ENGASE: variants seen among roughly 807,000 people sequenced by gnomAD.
ENGASE encodes the protein cytosolic endo-beta-N-acetylglucosaminidase.
A neutral mutation model predicts 78.5 loss-of-function variants in ENGASE; 69 were observed. The ratio of observed to expected loss-of-function variants is 0.88; its 90% CI spans 0.72 to 1.07. ENGASE has a LOEUF of 1.07. Ranked by LOEUF, ENGASE falls within the 50% of genes least tolerant of loss-of-function variation. The pLI is 0.00. For missense variants in ENGASE, 943 were observed against 988.4 expected (o/e 0.95, Z 0.62); for synonymous variants, 408 against 408.9 (o/e 1.00, Z 0.03).
intron 1 of ENGASE, chr17:79,075,690 G>A (rs934937826): frequency 1.0e-6 from 1 of 985,466 alleles, no homozygotes; most frequent in Non-Finnish European, 1.2e-6. Flanking sequence ...GTAGGTTGCA[G>A]GGGGAGAAGT....
chr17:79,086,395 C>CT lies in ENGASE; in HGVS notation c.*48dup, dbSNP rs1568096293. The CT allele has an allele frequency of 5.7e-6, 9 of 1,569,150 alleles. No individual in the cohort carries two copies. Among genetic ancestry groups the CT allele is most frequent in the Non-Finnish European group, 7.8e-6 (9 of 1,158,110 alleles). On this transcript the variant is annotated 3_prime_UTR_variant, in exon 14 of 14. Coordinates refer to ENST00000579016, the MANE Select transcript of ENGASE (RefSeq NM_001042573.3). ...GTCTCCTGGCCTCGGGCTGAGGCCT[C>CT]TTCCCGGCTGTCTGCCCCTGGCCTG...
At position 79,085,920 on chromosome 17, in the gene ENGASE, T is replaced by C. The variant is rs764225989; in HGVS notation, c.1816-13T>C. 6.3e-7 allele frequency: 1 copy of C among 1,588,772 alleles called. No individual in the cohort carries two copies. Among genetic ancestry groups the C allele is most frequent in the South Asian group, 1.1e-5 (1 of 89,532 alleles). On this transcript the variant is annotated splice_polypyrimidine_tract_variant and intron_variant, in intron 13 of 13. Transcript: ENST00000579016. The stretch of plus-strand genomic sequence containing the variant: ...CCGGGCGTCCAGCCGTGCTGAGCCT[T>C]CTCTCCTGCCAGGTGGTGGACGCTG...
rs536216237 is a variant in ENGASE at position 79,084,404 on chromosome 17, G to A, written c.1443-134G>A. The A allele has an allele frequency of 7.8e-5, 68 of 867,196 alleles. No individual in the cohort carries two copies. The African/African-American group carries it at 1.1e-3, about 14-fold the overall frequency. The allele number at this position is 867,196 out of a possible 1,614,324, so 53.7% of individuals were successfully genotyped here. On this transcript the variant is annotated intron_variant, in intron 10 of 13. Coordinates refer to ENST00000579016, the MANE Select transcript of ENGASE (RefSeq NM_001042573.3). The stretch of plus-strand genomic sequence containing the variant: ...AGGACTTGTCCCCTGGCTACGGACA[G>A]GACCACGATGTGGGAGCATTTGGCA...
chr17:79,082,014 A>G lies in ENGASE; in HGVS notation c.989A>G (p.Asp330Gly), dbSNP rs369637200. ...ERRADVYVGV[D>G]VFARGNVVGG... is the part of the protein sequence containing the mutation. ...CGGGCTGATGTGTACGTGGGCGTGG[A>G]TGTGTTTGCTCGAGGGAACGTGGTC... The change falls in exon 7 of 14, where the codon GAT becomes GGT. Residue 330 changes from aspartate to glycine, a missense_variant. By Grantham distance (94) the Asp-to-Gly change is moderately conservative. Coordinates refer to ENST00000579016, the MANE Select transcript of ENGASE (RefSeq NM_001042573.3). The G allele has an allele frequency of 1.4e-5, 22 of 1,614,018 alleles. No individual in the cohort carries two copies. Among genetic ancestry groups the G allele is most frequent in the African/African-American group, 1.3e-5 (1 of 74,902 alleles).
chr17:79,075,674 C>T (rs2072952162), intron 1 of ENGASE: 9 of 985,360 alleles, frequency 9.1e-6, no homozygotes, highest in Non-Finnish European at 7.2e-6. Flanking sequence ...GGTAAACTCC[C>T]CCTCAGTAGG....
At chr17:79,078,388 T>G (rs570804157) in intron 3 of ENGASE, among the ~76,000 whole-genome samples, 11 of 152,230 alleles carry the variant, frequency 7.2e-5, no homozygotes, top group African/African-American at 2.6e-4. Context: ...CAGTGTCTTA[T>G]GTCCCTTTCA....
chr17:79,078,993 T>C (rs1159404561), intron 3 of ENGASE, among the ~76,000 whole-genome samples: 2 of 152,234 alleles, frequency 1.3e-5, no homozygotes, highest in Non-Finnish European at 2.9e-5. Flanking sequence ...CAGAGCACTC[T>C]GCCTGTGGCT....
chr17:79,086,877 C>G lies in ENGASE; in HGVS notation c.*528C>G. On this transcript the variant is annotated 3_prime_UTR_variant, in exon 14 of 14. Transcript: ENST00000579016. ...TGGCGGGAGAGGATGCCCTGGAGAA[C>G]CGTCCTCCCAGTGTGGAAGGCCCTT... 4.4e-6 allele frequency: 2 copies of G among 450,758 alleles called. No individual in the cohort carries two copies. Among genetic ancestry groups the G allele is most frequent in the South Asian group, 3.1e-5 (2 of 64,334 alleles). 27.9% of individuals were successfully genotyped at this position (450,758 alleles called of 1,614,324 possible).
chr17:79,077,936 G>GGGC, intron 3 of ENGASE, 72 bp downstream of exon 3: 2 of 721,520 alleles, frequency 2.8e-6, no homozygotes, highest in Non-Finnish European at 4.4e-6. Context: ...GGAGGGGCGG[G>GGGC]AGAGAGTGCC....
chr17:79,077,133 A>C (rs528049600), intron 1 of ENGASE, among the ~76,000 whole-genome samples: 29 of 152,214 alleles, frequency 1.9e-4, no homozygotes, highest in African/African-American at 5.8e-4. Context: ...GGCTTCCCAA[A>C]GTGTTGGGAT....
chr17:79,086,002 T>C lies in ENGASE; in HGVS notation c.1885T>C (p.Trp629Arg). The C allele has an allele frequency of 6.2e-7, 1 of 1,611,424 alleles. No homozygotes were observed. Among genetic ancestry groups the C allele is most frequent in the Middle Eastern group, 1.6e-4 (1 of 6,062 alleles). Residue 629 changes from tryptophan (W) to arginine (R), a missense_variant, in exon 14 of 14, where the codon TGG becomes CGG. Trp to Arg is a moderately radical substitution (Grantham distance 101, BLOSUM62 -3). Transcript: ENST00000579016. ...VQAVTISHIRWQPSASEREGP... is the reference protein window; with the variant it reads ...VQAVTISHIRRQPSASEREGP... ...GGCCGTCACCATCTCTCACATCCGC[T>C]GGCAGCCATCCGCCTCTGAGCGGGA...
Position 79,082,615 on chromosome 17 carries a change from C to T in ENGASE, c.1039-405C>T, listed in dbSNP as rs553287372. ...CTGCCTCTGGTCTATCAGTCCTGCC[C>T]GTTCCCAGAGCCCCAGGGATGTTCT... is the stretch of plus-strand genomic sequence containing the variant. On this transcript the variant is annotated intron_variant, in intron 7 of 13. Transcript: ENST00000579016. 38 of 1,282,132 alleles carry T rather than the reference C, an allele frequency of 3.0e-5. No individual in the cohort carries two copies. In the East Asian group the frequency reaches 4.9e-4, roughly 17 times the overall value. 79.4% of individuals were successfully genotyped at this position (1,282,132 alleles called of 1,614,324 possible).
Position 79,074,824 on chromosome 17 carries a change from G to T in ENGASE, c.-121G>T. ...AGTCCCCGCCGCGCGGCCGCTGGCC[G>T]GGAGTCAGCTCGGAGTCCCGTCCCA... is the stretch of plus-strand genomic sequence containing the variant. On this transcript the variant is annotated 5_prime_UTR_variant, in exon 1 of 14. Coordinates refer to ENST00000579016, the MANE Select transcript of ENGASE (RefSeq NM_001042573.3). The T allele has an allele frequency of 8.4e-7, 1 of 1,190,256 alleles. No homozygotes were observed. Among genetic ancestry groups the T allele is most frequent in the Middle Eastern group, 3.3e-4 (1 of 2,992 alleles). The allele number at this position is 1,190,256 out of a possible 1,614,324, so 73.7% of individuals were successfully genotyped here.
rs753476951 is a variant in ENGASE, at chr17:79,079,521, A to G, written c.449A>G (p.Tyr150Cys). ...FIQGSVVQTP[Y>C]AFYHWQCIDV... is the part of the protein sequence containing the mutation. Reference sequence around the variant, plus strand: ...CAGGGCTCGGTGGTGCAGACTCCCTATGCTTTCTACCACTGGCAGTGCATC... The same window carrying G: ...CAGGGCTCGGTGGTGCAGACTCCCTGTGCTTTCTACCACTGGCAGTGCATC... Residue 150 changes from tyrosine to cysteine, a missense_variant, in exon 4 of 14, where the codon TAT becomes TGT. By Grantham distance (194) the Tyr-to-Cys change is radical. Transcript: ENST00000579016. The G allele has an allele frequency of 1.5e-5, 25 of 1,613,426 alleles. No individual in the cohort carries two copies. The highest frequency in any genetic ancestry group is 4.4e-5 in the South Asian group (4 of 91,054).
chr17:79,075,124 G>A, intron 1 of ENGASE, 34 bp downstream of exon 1: 1 of 1,203,064 alleles, frequency 8.3e-7, no homozygotes, highest in Non-Finnish European at 1.0e-6. Flanking sequence ...ACCCCGATCC[G>A]CGGGGCTGAG....
At chr17:79,080,575 C>G (rs2073102027) in intron 5 of ENGASE, among the ~76,000 whole-genome samples, 1 of 152,242 alleles carries the variant, frequency 6.6e-6, no homozygotes, top group Non-Finnish European at 1.5e-5. Context: ...AGCAAGCGTG[C>G]TTGGCCGGCT....
intron 13 of ENGASE, 96 bp downstream of exon 13, chr17:79,085,830 C>T (rs961194167): frequency 2.4e-5 from 39 of 1,594,880 alleles, no homozygotes; most frequent in Non-Finnish European, 2.9e-5. Flanking sequence ...TTGGGTTCAG[C>T]GGGGAACTGG....
At chr17:79,084,975 C>T (rs183225689) in intron 11 of ENGASE, among the ~76,000 whole-genome samples, 153 of 152,124 alleles carry the variant, frequency 1.0e-3, no homozygotes, top group Admixed American at 2.0e-3. Context: ...CTGGCCGTGG[C>T]GTGGAGAGGG....
rs73400112 is a variant in ENGASE, at chr17:79,082,388, T to A, written c.1038+325T>A. 3 of 1,259,440 alleles carry A rather than the reference T, an allele frequency of 2.4e-6. No homozygotes were observed. In the African/African-American group the frequency reaches 4.6e-5, roughly 19 times the overall value. The allele number at this position is 1,259,440 out of a possible 1,614,324, so 78.0% of individuals were successfully genotyped here. On this transcript the variant is annotated intron_variant, in intron 7 of 13. Transcript: ENST00000579016. ...CAGCTGCGTTCCTTGATCTTCCCCG[T>A]GAGGGAAGCCTGCGGGGACGCACAG...
Sources: gnomAD v4.1 joint callset for allele counts (sites outside exome capture counted in the v4.1 genomes callset) on GRCh38, gnomAD v4.1.1 for gene constraint, MANE v1.5 for transcripts, NCBI Gene and HGNC (gene_info 2026-07-23, HGNC 2026-07-21) for gene names.